The following CLEC4C variants were observed in gnomAD, a reference collection of about 807,000 sequenced individuals.
The protein encoded by CLEC4C is C-type (calcium dependent, carbohydrate-recognition domain) lectin, superfamily member 11.
Under a neutral mutation model 27.7 loss-of-function variants are expected in CLEC4C, and 17 were observed. The ratio of observed to expected loss-of-function variants is 0.61; its 90% CI spans 0.42 to 0.92. CLEC4C has a LOEUF of 0.92. Among genes scored for constraint, CLEC4C ranks in the 40% least tolerant of loss-of-function variants. CLEC4C has a pLI of 0.00. For missense variants in CLEC4C, 244 were observed against 257.3 expected, an observed-to-expected ratio of 0.95 and a Z score of 0.35; for synonymous variants, 80 against 80.8, an observed-to-expected ratio of 0.99 and a Z score of 0.06.
At chr12:7,732,844 G>A (rs1864631056) in intron 4 of CLEC4C, among the ~76,000 whole-genome samples, 1 of 147,070 alleles carries the variant, frequency 6.8e-6, no homozygotes, top group Non-Finnish European at 1.5e-5. Flanking sequence ...AGCTACTCAG[G>A]AGGCTGAGGC....
Position 7,741,518 on chromosome 12 carries a change from A to C in CLEC4C, c.138T>G (p.Phe46Leu), listed in dbSNP as rs1864855292. 1 of 1,594,534 alleles carries C rather than the reference A, an allele frequency of 6.3e-7. No homozygotes were observed. Among genetic ancestry groups the C allele is most frequent in the South Asian group, 1.1e-5 (1 of 90,692 alleles). ...FTVSSVVPHN[F>L]MYSKTVKRLS... Reference sequence around the variant, plus strand: ...GCCTCTTGACAGTTTTGCTATACATAAAATTGTGAGGCACTGGGAAAGAGA... The same window carrying C: ...GCCTCTTGACAGTTTTGCTATACATCAAATTGTGAGGCACTGGGAAAGAGA... The change falls in exon 3 of 6, where the codon TTT becomes TTG. Residue 46 changes from phenylalanine (F) to leucine (L), a missense_variant. Phe to Leu is a conservative substitution (Grantham distance 22). Transcript: ENST00000360345.
chr12:7,746,340 T>A lies in CLEC4C; in HGVS notation c.115A>T (p.Ser39Cys). ...CCAGCCAAGAACTTACCCACAGAAC[T>A]CACAGTGAAACAGACACTGAGGAGC... ...ILLLSVCFTV[S>C]SVVPHNFMYS... The change falls in exon 2 of 6, where the codon AGT becomes TGT. Residue 39 changes from serine (S) to cysteine (C), a missense_variant. Physicochemically the swap from Ser to Cys is moderately radical, Grantham distance 112. Transcript: ENST00000360345. 1 of 1,608,314 alleles carries A rather than the reference T, an allele frequency of 6.2e-7. No individual in the cohort carries two copies. Among genetic ancestry groups the A allele is most frequent in the Non-Finnish European group, 8.5e-7 (1 of 1,175,868 alleles).
intron 3 of CLEC4C, among the ~76,000 whole-genome samples, chr12:7,738,763 G>A (rs959303897): frequency 6.6e-6 from 1 of 152,164 alleles, no homozygotes; most frequent in African/African-American, 2.4e-5. Flanking sequence ...CAGCTGCCCT[G>A]AAGTGCTGGA....
At chr12:7,739,875 ACT>A (rs1281962697) in intron 3 of CLEC4C, among the ~76,000 whole-genome samples, 2 of 140,550 alleles carry the variant, frequency 1.4e-5, no homozygotes, top group African/African-American at 5.3e-5. Flanking sequence ...ATGGAGTTTC[ACT>A]CTTATTGTCC....
At chr12:7,730,950 C>T in intron 4 of CLEC4C, 38 bp from the exon 5 acceptor site, 1 of 1,029,494 alleles carries the variant, frequency 9.7e-7, no homozygotes, top group Non-Finnish European at 1.5e-6. Context: ...GCTGATAGAG[C>T]AGGAGCACCC....
intron 5 of CLEC4C, among the ~76,000 whole-genome samples, chr12:7,730,404 G>A (rs985034509): frequency 6.6e-6 from 1 of 152,136 alleles, no homozygotes; most frequent in African/African-American, 2.4e-5. Context: ...ACTTTGGGAG[G>A]CCAAGGCAGG....
At chr12:7,734,563 T>G (rs1277981870) in intron 4 of CLEC4C, among the ~76,000 whole-genome samples, 1 of 151,636 alleles carries the variant, frequency 6.6e-6, no homozygotes, top group Non-Finnish European at 1.5e-5. Context: ...TTTTTTTTTT[T>G]TTTTTGAGAC....
In CLEC4C at chr12:7,747,311, T is replaced by G; in HGVS notation, c.31+7A>C. The G allele has an allele frequency of 1.9e-6, 3 of 1,613,998 alleles. No homozygotes were observed. The highest frequency in any genetic ancestry group is 2.5e-6 in the Non-Finnish European group (3 of 1,179,910). ...CCTTCCCTAGAACTGAGAAGATGAG[T>G]GCTTACCTCGGTCTTGAGGCTCTTC... On this transcript the variant is annotated splice_region_variant and intron_variant, in intron 1 of 5. Coordinates refer to ENST00000360345, the MANE Select transcript of CLEC4C (RefSeq NM_001371390.1).
At position 7,743,805 on chromosome 12, in the gene CLEC4C, C is replaced by T. The variant is rs140794668; in HGVS notation, c.125-2274G>A. On this transcript the variant is annotated intron_variant, in intron 2 of 5. Transcript: ENST00000360345. Reference sequence around the variant, plus strand: ...ATTAAATAACCATCTTGTATTAGTCCGTTTTTGCATTGCTATAAAGGAATA... The same window carrying T: ...ATTAAATAACCATCTTGTATTAGTCTGTTTTTGCATTGCTATAAAGGAATA... 1.1e-4 allele frequency among the ~76,000 whole-genome samples: 16 copies of T among 152,052 alleles called. No homozygotes were observed. In the East Asian group the frequency reaches 2.3e-3, roughly 22 times the overall value.
chr12:7,747,311 T>C lies in CLEC4C; in HGVS notation c.31+7A>G. ...CCTTCCCTAGAACTGAGAAGATGAG[T>C]GCTTACCTCGGTCTTGAGGCTCTTC... On this transcript the variant is annotated splice_region_variant and intron_variant, in intron 1 of 5. Transcript: ENST00000360345. 1.2e-6 allele frequency: 2 copies of C among 1,613,998 alleles called. No individual in the cohort carries two copies. The highest frequency in any genetic ancestry group is 4.5e-5 in the East Asian group (2 of 44,878).
At chr12:7,735,083 C>T (rs1440388166) in intron 4 of CLEC4C, among the ~76,000 whole-genome samples, 2 of 151,706 alleles carry the variant, frequency 1.3e-5, no homozygotes, top group Non-Finnish European at 2.9e-5. Context: ...CACCTGTAAT[C>T]CCAGCTGGTC....
At chr12:7,742,099 G>C (rs1864869286) in intron 2 of CLEC4C, among the ~76,000 whole-genome samples, 1 of 152,088 alleles carries the variant, frequency 6.6e-6, no homozygotes, top group African/African-American at 2.4e-5. Flanking sequence ...AAAATCACTT[G>C]AACTTGGAAG....
intron 4 of CLEC4C, among the ~76,000 whole-genome samples, chr12:7,735,045 A>G (rs1276261027): frequency 6.6e-6 from 1 of 151,698 alleles, no homozygotes; most frequent in Non-Finnish European, 1.5e-5. Flanking sequence ...TACTAAAAAT[A>G]CAAAAATTAG....
intron 4 of CLEC4C, among the ~76,000 whole-genome samples, chr12:7,736,255 C>T (rs950948767): frequency 1.6e-4 from 24 of 151,222 alleles, no homozygotes; most frequent in African/African-American, 5.1e-4. Flanking sequence ...TGCACTCCAG[C>T]CTGGGCGCCA....
intron 2 of CLEC4C, 31 bp downstream of exon 2, chr12:7,746,298 CAA>C (rs1864981044): frequency 5.7e-6 from 7 of 1,229,028 alleles, no homozygotes; most frequent in Non-Finnish European, 8.3e-6. Context: ...GGAAAAGGAC[CAA>C]GAGATGACTG....
At chr12:7,732,913 A>T (rs762152298) in intron 4 of CLEC4C, among the ~76,000 whole-genome samples, 1 of 151,836 alleles carries the variant, frequency 6.6e-6, no homozygotes, top group African/African-American at 2.4e-5. Flanking sequence ...GCGCCACTGC[A>T]CTCCAGTCTC....
chr12:7,742,228 T>C (rs1156261027), intron 2 of CLEC4C, among the ~76,000 whole-genome samples: 1 of 151,368 alleles, frequency 6.6e-6, no homozygotes, highest in African/African-American at 2.4e-5. Flanking sequence ...CTTATGACTT[T>C]ACGGCTGGGC....
chr12:7,746,339 C>G lies in CLEC4C; in HGVS notation c.116G>C (p.Ser39Thr). ...TCCAGCCAAGAACTTACCCACAGAA[C>G]TCACAGTGAAACAGACACTGAGGAG... ...ILLLSVCFTV[S>T]SVVPHNFMYS... The change falls in exon 2 of 6, where the codon AGT (serine) becomes ACT (threonine). Residue 39 changes from serine to threonine, a missense_variant. Ser to Thr is a moderately conservative substitution (Grantham distance 58). Coordinates refer to ENST00000360345, the MANE Select transcript of CLEC4C (RefSeq NM_001371390.1). 6.2e-7 allele frequency: 1 copy of G among 1,609,562 alleles called. No homozygotes were observed. Among genetic ancestry groups the G allele is most frequent in the South Asian group, 1.1e-5 (1 of 90,934 alleles).
Position 7,730,810 on chromosome 12 carries a change from TG to T in CLEC4C, c.483del (p.Tyr161Ter). The stretch of plus-strand genomic sequence containing the variant: ...TTCTATACTCACGTGACATTTTCAT[TG>T]TATGGTGTCTGGTCAACCCATTGCC... ...RHWQWVDQTPYNENVTFWHSG... is the reference protein window; with the variant it reads ...RHWQWVDQTPXNENVTFWHSG... On this transcript the variant is annotated frameshift_variant, in exon 5 of 6. Coordinates refer to ENST00000360345, the MANE Select transcript of CLEC4C (RefSeq NM_001371390.1). LOFTEE classifies it low-confidence loss of function (END_TRUNC). The T allele has an allele frequency of 2.5e-6, 4 of 1,585,160 alleles. No individual in the cohort carries two copies. The highest frequency in any genetic ancestry group is 3.5e-6 in the Non-Finnish European group (4 of 1,153,896).
Sources: gnomAD v4.1 joint callset for allele counts (sites outside exome capture counted in the v4.1 genomes callset) on GRCh38, gnomAD v4.1.1 for gene constraint, MANE v1.5 for transcripts, NCBI Gene and HGNC (gene_info 2026-07-23, HGNC 2026-07-21) for gene names.